The following CDH13 variants were observed in gnomAD, a reference collection of about 807,000 sequenced individuals.
CDH13 encodes cadherin 13.
CDH13 carries 24 observed loss-of-function variants against 63.8 expected under a neutral mutation model. That is an observed-to-expected ratio of 0.38 (90% CI 0.27 to 0.53). The LOEUF (loss-of-function observed/expected upper bound fraction) is 0.53, where lower values mean the gene tolerates loss of function less well. CDH13 is among the 20% of genes least tolerant of loss of function. The pLI, the probability that CDH13 is intolerant of heterozygous loss-of-function variation, is 0.85. For synonymous variants in CDH13, 503 were observed against 355.3 expected, an observed-to-expected ratio of 1.42 and a Z score of -4.67; for missense variants, 1,049 against 903.1, an observed-to-expected ratio of 1.16 and a Z score of -2.07.
At chr16:82,858,830 TGTTCTACCTGTA>T (rs2151166904) in intron 2 of CDH13, 1 of 331,596 alleles carries the variant, frequency 3.0e-6, no homozygotes, top group African/African-American at 2.1e-5. Context: ...CGCAGATTGC[TGTTCTACCTGTA>T]GTTTCTCATA....
intron 10 of CDH13, among the ~76,000 whole-genome samples, chr16:83,733,521 T>C (rs1271422157): frequency 1.3e-5 from 2 of 152,104 alleles, no homozygotes; most frequent in Admixed American, 1.3e-4. Context: ...CAGACCACAT[T>C]CACTGAGCTT....
chr16:82,905,728 G>A (rs6565077), intron 2 of CDH13, among the ~76,000 whole-genome samples: 78,526 of 151,942 alleles, frequency 0.52, 21,701 homozygotes, highest in African/African-American at 0.67. Flanking sequence ...ACTTCATTGT[G>A]TAATCAATAT....
intron 6 of CDH13, among the ~76,000 whole-genome samples, chr16:83,444,455 T>C (rs879401659): frequency 2.6e-5 from 4 of 152,222 alleles, no homozygotes; most frequent in Non-Finnish European, 5.9e-5. Flanking sequence ...TGCTATACAT[T>C]AGAATCACCT....
intron 3 of CDH13, among the ~76,000 whole-genome samples, chr16:83,067,417 T>A (rs931372996): frequency 6.6e-6 from 1 of 152,176 alleles, no homozygotes; most frequent in African/African-American, 2.4e-5. Context: ...CCATAGTTGG[T>A]TGTATCAAGG....
intron 2 of CDH13, among the ~76,000 whole-genome samples, chr16:82,887,527 A>T (rs1261266716): frequency 6.6e-6 from 1 of 152,162 alleles, no homozygotes; most frequent in Admixed American, 6.5e-5. Flanking sequence ...ATGTGGGGAG[A>T]GGATTAAAAG....
chr16:83,493,486 G>A (rs777740703), intron 7 of CDH13, among the ~76,000 whole-genome samples: 1 of 152,312 alleles, frequency 6.6e-6, no homozygotes, highest in East Asian at 1.9e-4. Flanking sequence ...GACAGCACAC[G>A]CATGCAAAGA....
intron 8 of CDH13, among the ~76,000 whole-genome samples, chr16:83,634,108 G>A (rs1389863479): frequency 7.6e-6 from 1 of 131,466 alleles, no homozygotes; most frequent in Non-Finnish European, 1.6e-5. Context: ...ACCCATTTTT[G>A]TGTGTTTTCT....
chr16:83,666,888 T>C (rs552846490), intron 8 of CDH13, among the ~76,000 whole-genome samples: 1 of 152,164 alleles, frequency 6.6e-6, no homozygotes. Context: ...TCTTGACAAT[T>C]AACACGTTGT....
intron 7 of CDH13, among the ~76,000 whole-genome samples, chr16:83,527,830 G>A (rs995743632): frequency 6.6e-6 from 1 of 152,080 alleles, no homozygotes; most frequent in African/African-American, 2.4e-5. Context: ...GAGATCACTG[G>A]TATCCATATC....
Position 82,965,659 on chromosome 16 carries a change from T to C in CDH13, c.158-66351T>C, listed in dbSNP as rs78853747. 3.2e-4 allele frequency among the ~76,000 whole-genome samples: 49 copies of C among 152,300 alleles called. No homozygotes were observed. In the East Asian group the frequency reaches 6.0e-3, roughly 19 times the overall value. ...GATTCTCCTGCCATGGCCAGTATTA[T>C]TTTTTAAATTTTTAGTAGTGACGGG... On this transcript the variant is annotated intron_variant, in intron 2 of 13. Transcript: ENST00000567109.
At chr16:83,010,464 G>A (rs1453656002) in intron 2 of CDH13, among the ~76,000 whole-genome samples, 1 of 152,016 alleles carries the variant, frequency 6.6e-6, no homozygotes, top group East Asian at 1.9e-4. Flanking sequence ...ATAAACCATA[G>A]GTAATGTTGT....
At chr16:83,535,918 A>G (rs1010980016) in intron 7 of CDH13, among the ~76,000 whole-genome samples, 1 of 143,384 alleles carries the variant, frequency 7.0e-6, no homozygotes, top group Non-Finnish European at 1.5e-5. Context: ...AAAAAAGGAA[A>G]GAAGGAAAGA....
intron 2 of CDH13, among the ~76,000 whole-genome samples, chr16:82,978,410 C>T (rs1423002502): frequency 1.3e-5 from 2 of 152,204 alleles, no homozygotes; most frequent in Admixed American, 6.5e-5. Flanking sequence ...CAGGGGTCTT[C>T]ATGGCAGCCC....
At chr16:83,686,273 T>C (rs1424818668) in intron 10 of CDH13, among the ~76,000 whole-genome samples, 1 of 152,230 alleles carries the variant, frequency 6.6e-6, no homozygotes, top group Admixed American at 6.5e-5. Flanking sequence ...TTGTCCATCT[T>C]CCCACGAGAC....
chr16:83,438,028 G>T (rs1011960784), intron 6 of CDH13, among the ~76,000 whole-genome samples: 1 of 151,844 alleles, frequency 6.6e-6, no homozygotes, highest in Non-Finnish European at 1.5e-5. Context: ...ACCCCTCACC[G>T]GTCTCCCTAC....
intron 10 of CDH13, chr16:83,735,259 G>A (rs988628281): frequency 6.6e-6 from 1 of 152,202 alleles, no homozygotes; most frequent in South Asian, 2.1e-4. Context: ...AACCATTCGA[G>A]GGCTTTGTCC....
intron 2 of CDH13, among the ~76,000 whole-genome samples, chr16:82,948,152 AC>A (rs938234239): frequency 2.4e-4 from 37 of 152,160 alleles, no homozygotes; most frequent in African/African-American, 8.4e-4. Context: ...GAAATGAAAC[AC>A]CATTTTGATT....
intron 1 of CDH13, among the ~76,000 whole-genome samples, chr16:82,714,547 C>G (rs546923474): frequency 1.3e-5 from 2 of 151,632 alleles, no homozygotes; most frequent in African/African-American, 2.4e-5. Flanking sequence ...AGCCCTGTCT[C>G]TACTAAAAAT....
intron 6 of CDH13, among the ~76,000 whole-genome samples, chr16:83,482,748 G>A (rs1477895103): frequency 6.6e-6 from 1 of 152,208 alleles, no homozygotes; most frequent in East Asian, 1.9e-4. Flanking sequence ...TACAGAATGT[G>A]TGTGTGCACG....
Sources: gnomAD v4.1 joint callset for allele counts (sites outside exome capture counted in the v4.1 genomes callset) on GRCh38, gnomAD v4.1.1 for gene constraint, MANE v1.5 for transcripts, NCBI Gene and HGNC (gene_info 2026-07-23, HGNC 2026-07-21) for gene names.